The following ATF7IP2 variants were observed in gnomAD, a reference collection of about 807,000 sequenced individuals.
The protein encoded by ATF7IP2 is activating transcription factor 7 interacting protein 2, also known as activating transcription factor 7-interacting protein 2.
ATF7IP2 carries 42 observed loss-of-function variants against 64.2 expected under a neutral mutation model. The ratio of observed to expected loss-of-function variants is 0.65; its 90% CI spans 0.51 to 0.85. The LOEUF (loss-of-function observed/expected upper bound fraction) is 0.85, where lower values mean the gene tolerates loss of function less well. Ranked by LOEUF, ATF7IP2 falls within the 40% of genes least tolerant of loss-of-function variation. The probability of loss-of-function intolerance (pLI) is 0.00; values close to 1 mark genes in which losing one functional copy is unlikely to be tolerated. For missense variants in ATF7IP2, 933 were observed against 784.2 expected (o/e 1.19, Z -2.27); for synonymous variants, 308 against 272.8 (o/e 1.13, Z -1.27).
chr16:10,400,535 A>T (rs1284485664), intron 1 of ATF7IP2, among the ~76,000 whole-genome samples: 1 of 152,188 alleles, frequency 6.6e-6, no homozygotes, highest in Non-Finnish European at 1.5e-5. Context: ...TGTTGAATAG[A>T]AGTGGTGAAA....
Position 10,433,408 on chromosome 16 carries a change from T to C in ATF7IP2, c.836-117T>C, listed in dbSNP as rs59469386. ...CAGGCTGGTCTTGAACTCCTGGCCT[T>C]AAGCCACCCTCCCTCCTTAGCCTCC... On this transcript the variant is annotated intron_variant, in intron 5 of 13. Transcript: ENST00000562102. 7.4e-3 allele frequency: 6,783 copies of C among 920,842 alleles called. 295 individuals carry two copies. In the African/African-American group the frequency reaches 0.1, roughly 14 times the overall value. The allele number at this position is 920,842 out of a possible 1,614,324, so 57.0% of individuals were successfully genotyped here.
intron 9 of ATF7IP2, among the ~76,000 whole-genome samples, chr16:10,470,696 A>C (rs1346388383): frequency 6.6e-6 from 1 of 151,898 alleles, no homozygotes; most frequent in Non-Finnish European, 1.5e-5. Flanking sequence ...AGATGAGAGG[A>C]TCTTTTGAGC....
intron 2 of ATF7IP2, among the ~76,000 whole-genome samples, chr16:10,418,811 C>G (rs992741154): frequency 1.2e-4 from 19 of 152,174 alleles, no homozygotes; most frequent in African/African-American, 4.6e-4. Context: ...ATGTTTAGCT[C>G]CTAGAGCGGG....
chr16:10,416,550 T>C (rs1290977380), intron 2 of ATF7IP2, among the ~76,000 whole-genome samples: 1 of 152,100 alleles, frequency 6.6e-6, no homozygotes, highest in Non-Finnish European at 1.5e-5. Context: ...CCTAGCACTT[T>C]GGGAGGCCGA....
intron 1 of ATF7IP2, among the ~76,000 whole-genome samples, chr16:10,401,572 T>C (rs2047535760): frequency 6.6e-6 from 1 of 152,180 alleles, no homozygotes; most frequent in South Asian, 2.1e-4. Flanking sequence ...CTTTTTTTGC[T>C]GTGTCCTTGC....
At chr16:10,435,158 C>A (rs2048379230) in intron 6 of ATF7IP2, among the ~76,000 whole-genome samples, 1 of 152,200 alleles carries the variant, frequency 6.6e-6, no homozygotes, top group Admixed American at 6.5e-5. Context: ...CTCTCTCAAC[C>A]ATATCTAGAT....
chr16:10,482,502 A>G lies in ATF7IP2; in HGVS notation c.*253A>G, dbSNP rs2142121611. 3.3e-6 allele frequency: 1 copy of G among 301,888 alleles called. No homozygotes were observed. The highest frequency in any genetic ancestry group is 6.1e-6 in the Non-Finnish European group (1 of 164,304). 18.7% of individuals were successfully genotyped at this position (301,888 alleles called of 1,614,324 possible). A position where few individuals can be genotyped will look rare whatever the true frequency, so the allele number is the denominator to read the frequency against. ...ATGTTGCTGAGGTGCATTGTGAACA[A>G]TACCTTTAGTGACTGTGGAACTGCT... On this transcript the variant is annotated 3_prime_UTR_variant, in exon 14 of 14. Transcript: ENST00000562102.
intron 2 of ATF7IP2, among the ~76,000 whole-genome samples, chr16:10,418,263 G>A (rs926715550): frequency 6.6e-6 from 1 of 152,218 alleles, no homozygotes; most frequent in East Asian, 1.9e-4. Context: ...TCCACCCCAG[G>A]TGGGCCAGGT....
intron 1 of ATF7IP2, among the ~76,000 whole-genome samples, chr16:10,400,486 CTT>C (rs1191270402): frequency 6.6e-6 from 1 of 152,202 alleles, no homozygotes; most frequent in Admixed American, 6.6e-5. Context: ...CTTTCTCTCT[CTT>C]GCTTGATTGC....
chr16:10,423,882 G>A (rs1271173238), intron 3 of ATF7IP2, among the ~76,000 whole-genome samples: 1 of 152,154 alleles, frequency 6.6e-6, no homozygotes, highest in Non-Finnish European at 1.5e-5. Flanking sequence ...GTACTCGGGT[G>A]TCCTCCAGCG....
chr16:10,439,339 C>T (rs1252886208), intron 7 of ATF7IP2, among the ~76,000 whole-genome samples: 1 of 151,512 alleles, frequency 6.6e-6, no homozygotes, highest in Admixed American at 6.6e-5. Context: ...CACCATTCAC[C>T]TGCCTCAGCC....
intron 1 of ATF7IP2, among the ~76,000 whole-genome samples, chr16:10,390,389 G>A (rs953683093): frequency 1.3e-5 from 2 of 152,132 alleles, no homozygotes; most frequent in Non-Finnish European, 1.5e-5. Flanking sequence ...AGAGAATATT[G>A]GATAAATATC....
At chr16:10,426,270 C>G (rs530845570) in intron 3 of ATF7IP2, among the ~76,000 whole-genome samples, 2 of 152,274 alleles carry the variant, frequency 1.3e-5, no homozygotes, top group South Asian at 4.1e-4. Flanking sequence ...GAGAGGAGTT[C>G]TGGTGTTGGT....
chr16:10,428,158 G>C (rs573592979), intron 3 of ATF7IP2, among the ~76,000 whole-genome samples: 50 of 152,282 alleles, frequency 3.3e-4, no homozygotes, highest in African/African-American at 1.0e-3. Context: ...ATGGAGAAGA[G>C]GTGCAAGGGG....
chr16:10,453,477 G>C (rs1389405648), intron 8 of ATF7IP2, among the ~76,000 whole-genome samples: 2 of 152,194 alleles, frequency 1.3e-5, no homozygotes, highest in African/African-American at 4.8e-5. Context: ...GAAATCACCT[G>C]CCTTCTGCAT....
chr16:10,389,871 A>G (rs1040903105), intron 1 of ATF7IP2, among the ~76,000 whole-genome samples: 2 of 152,248 alleles, frequency 1.3e-5, no homozygotes, highest in Admixed American at 6.5e-5. Context: ...TATGAGATTA[A>G]CTGCCACCTG....
intron 8 of ATF7IP2, among the ~76,000 whole-genome samples, chr16:10,450,346 T>G (rs1005743705): frequency 6.6e-5 from 10 of 152,084 alleles, no homozygotes; most frequent in African/African-American, 2.4e-4. Context: ...TGGTCCAGAG[T>G]TGAGTTCTAG....
At chr16:10,433,127 T>C (rs945054096) in intron 5 of ATF7IP2, among the ~76,000 whole-genome samples, 1 of 152,156 alleles carries the variant, frequency 6.6e-6, no homozygotes, top group East Asian at 1.9e-4. Flanking sequence ...GTGTCACATT[T>C]TAGTTTTTCC....
intron 6 of ATF7IP2, among the ~76,000 whole-genome samples, chr16:10,437,008 T>G (rs942563976): frequency 2.0e-5 from 3 of 151,892 alleles, no homozygotes; most frequent in Middle Eastern, 3.2e-3. Context: ...TAATTGTCCT[T>G]GGCTATTTTT....
Sources: gnomAD v4.1 joint callset for allele counts (sites outside exome capture counted in the v4.1 genomes callset) on GRCh38, gnomAD v4.1.1 for gene constraint, MANE v1.5 for transcripts, NCBI Gene and HGNC (gene_info 2026-07-23, HGNC 2026-07-21) for gene names.